The following LYRM4 variants were observed in gnomAD, a reference collection of about 807,000 sequenced individuals.
LYRM4 encodes LYR motif-containing protein 4.
In LYRM4, 9 loss-of-function variants were observed where a neutral mutation model predicts 11.7. The ratio of observed to expected loss-of-function variants is 0.77; its 90% confidence interval spans 0.46 to 1.34. The LOEUF (loss-of-function observed/expected upper bound fraction) is 1.34, where lower values mean the gene tolerates loss of function less well. Among genes scored for constraint, LYRM4 ranks in the 40% most tolerant of loss-of-function variants. LYRM4 has a pLI of 0.00. For synonymous variants in LYRM4, 42 were observed against 40.4 expected (o/e 1.04, Z -0.15); for missense variants, 133 against 112.5 (o/e 1.18, Z -0.82).
chr6:5,066,098 G>A, the LYRM4 span: 1 of 457,204 alleles, frequency 2.2e-6, no homozygotes, highest in South Asian at 2.1e-5. Context: ...GTAAGATACA[G>A]ATTTTGTTGT....
chr6:5,242,777 T>G (rs1763960619), intron 1 of LYRM4, among the ~76,000 whole-genome samples: 1 of 150,926 alleles, frequency 6.6e-6, no homozygotes, highest in African/African-American at 2.4e-5. Flanking sequence ...TTTTTTTTTT[T>G]TTTTTTTGAG....
At chr6:5,249,469 C>CT (rs1052266789) in intron 1 of LYRM4, among the ~76,000 whole-genome samples, 39 of 152,050 alleles carry the variant, frequency 2.6e-4, no homozygotes, top group South Asian at 2.5e-3. Context: ...GTGATTTTTG[C>CT]TTTTTTTATC....
At chr6:5,058,003 C>T in the LYRM4 span, among the ~76,000 whole-genome samples, 2 of 152,110 alleles carry the variant, frequency 1.3e-5, no homozygotes, top group Non-Finnish European at 2.9e-5. Context: ...CCTCCTGCCT[C>T]GGCCTCCCAA....
At chr6:5,037,015 T>TAAAATCTGCTTCAAATG in the LYRM4 span, among the ~76,000 whole-genome samples, 1 of 41,106 alleles carries the variant, frequency 2.4e-5, no homozygotes, top group African/African-American at 7.0e-5. Context: ...TTGTATTTTT[T>TAAAATCTGCTTCAAATG]TTTTTTTTTT....
chr6:5,157,509 A>G (rs1397778104), intron 2 of LYRM4, among the ~76,000 whole-genome samples: 1 of 148,454 alleles, frequency 6.7e-6, no homozygotes, highest in African/African-American at 2.6e-5. Context: ...AGTATCTAAA[A>G]CTAAAAAAAA....
intron 1 of LYRM4, among the ~76,000 whole-genome samples, chr6:5,235,458 T>C (rs1317362292): frequency 6.6e-6 from 1 of 152,176 alleles, no homozygotes; most frequent in Non-Finnish European, 1.5e-5. Context: ...CAGTATTCAT[T>C]TTTTTTAACT....
the LYRM4 span, among the ~76,000 whole-genome samples, chr6:5,048,705 C>T: frequency 6.6e-6 from 1 of 152,126 alleles, no homozygotes; most frequent in African/African-American, 2.4e-5. Context: ...TCACTTTTTG[C>T]TTCAGAGCCC....
chr6:5,240,355 A>G lies in LYRM4; in HGVS notation c.86+20293T>C, dbSNP rs1763806117. Among the ~76,000 whole-genome samples the G allele has an allele frequency of 1.3e-5, 2 of 152,166 alleles. 1 individual carries two copies. Among genetic ancestry groups the G allele is most frequent in the Admixed American group, 1.3e-4 (2 of 15,280 alleles). ...CACTTTGGAATATGGCATGTACCCA[A>G]GTTAATTTATTTTCAATGTATAAAA... On this transcript the variant is annotated intron_variant, in intron 1 of 2. Coordinates refer to ENST00000330636, the MANE Select transcript of LYRM4 (RefSeq NM_020408.6).
chr6:5,223,576 A>ATT (rs1374057939), intron 1 of LYRM4, among the ~76,000 whole-genome samples: 2 of 152,182 alleles, frequency 1.3e-5, no homozygotes, highest in African/African-American at 4.8e-5. Flanking sequence ...ATTAAAAAAA[A>ATT]TTGTCTCTGG....
intron 2 of LYRM4, among the ~76,000 whole-genome samples, chr6:5,215,626 C>G (rs1264052377): frequency 6.6e-6 from 1 of 152,174 alleles, no homozygotes; most frequent in African/African-American, 2.4e-5. Context: ...ATTATAGTTT[C>G]AAATATTGCT....
At chr6:5,152,499 G>C (rs532035335) in intron 2 of LYRM4, among the ~76,000 whole-genome samples, 1 of 152,134 alleles carries the variant, frequency 6.6e-6, no homozygotes, top group East Asian at 1.9e-4. Context: ...ATACCCCATC[G>C]TATCTTCTTT....
At chr6:5,166,237 T>C (rs1375848648) in intron 2 of LYRM4, among the ~76,000 whole-genome samples, 1 of 152,224 alleles carries the variant, frequency 6.6e-6, no homozygotes, top group African/African-American at 2.4e-5. Flanking sequence ...GTGGTAGTTT[T>C]GAAAGCCGTT....
chr6:5,121,653 T>C (rs959190146), intron 2 of LYRM4, among the ~76,000 whole-genome samples: 2 of 151,938 alleles, frequency 1.3e-5, no homozygotes, highest in African/African-American at 4.8e-5. Context: ...GGCCCAAACA[T>C]CACGTCAGAG....
intron 2 of LYRM4, among the ~76,000 whole-genome samples, chr6:5,125,247 G>T (rs754187830): frequency 1.3e-5 from 2 of 152,132 alleles, no homozygotes; most frequent in Non-Finnish European, 2.9e-5. Flanking sequence ...TTCTAGGATG[G>T]CTCACTCCTA....
chr6:5,163,240 G>T lies in LYRM4; in HGVS notation c.207+53378C>A, dbSNP rs372071532. Among the ~76,000 whole-genome samples the T allele has an allele frequency of 2.8e-4, 42 of 152,204 alleles. 1 individual carries two copies. In the South Asian group the frequency reaches 7.7e-3, roughly 28 times the overall value. On this transcript the variant is annotated intron_variant, in intron 2 of 2. Coordinates refer to ENST00000330636, the MANE Select transcript of LYRM4 (RefSeq NM_020408.6). The stretch of plus-strand genomic sequence containing the variant: ...AAATCTACAATCCATTTCATGTATG[G>T]TATGAGGAAGGGGTCAAGACATCTT...
intron 1 of LYRM4, among the ~76,000 whole-genome samples, chr6:5,229,350 C>T (rs140389524): frequency 2.0e-4 from 31 of 152,248 alleles, no homozygotes; most frequent in African/African-American, 3.6e-4. Context: ...GTGGTGGTAC[C>T]AATTTGCCAA....
the LYRM4 span, chr6:5,086,230 A>G: frequency 6.5e-7 from 1 of 1,535,428 alleles, no homozygotes; most frequent in Non-Finnish European, 8.7e-7. Context: ...CAGGGCCGTG[A>G]CCGTGCGCTA....
intron 2 of LYRM4, among the ~76,000 whole-genome samples, chr6:5,144,559 C>A (rs1053681082): frequency 8.2e-5 from 11 of 134,966 alleles, no homozygotes; most frequent in African/African-American, 3.1e-4. Context: ...ATGGCGTGAA[C>A]CTGGGAGGTG....
In LYRM4 at chr6:5,198,146, C is replaced by T. The variant is rs565121354; in HGVS notation, c.207+18472G>A. Among the ~76,000 whole-genome samples, 16 of 152,170 alleles carry T rather than the reference C, an allele frequency of 1.1e-4. 1 individual carries two copies. The South Asian group carries it at 2.1e-3, about 20-fold the overall frequency. On this transcript the variant is annotated intron_variant, in intron 2 of 2. Transcript: ENST00000330636. ...CCAGAAGGCGGAGGTTACAGTGAAC[C>T]GAGATTGCACCACTGCACTCCAGCC...
Sources: allele counts gnomAD v4.1 joint callset (sites outside exome capture counted in the v4.1 genomes callset), GRCh38; gene constraint gnomAD v4.1.1; transcripts MANE v1.5; gene names NCBI Gene and HGNC (gene_info 2026-07-23, HGNC 2026-07-21).